Variants in SRP19 observed in about 807,000 individuals in gnomAD.
SRP19 encodes signal recognition particle 19.
SRP19 carries 11 observed loss-of-function variants against 22.4 expected under a neutral mutation model. The observed-to-expected ratio is 0.49, with a 90% CI of 0.31 to 0.81. The LOEUF (loss-of-function observed/expected upper bound fraction) is 0.81, where lower values mean the gene tolerates loss of function less well. SRP19 is among the 40% of genes least tolerant of loss of function. The pLI, the probability that SRP19 is intolerant of heterozygous loss-of-function variation, is 0.05. For missense variants in SRP19, 168 were observed against 175.9 expected (o/e 0.96, Z 0.25); for synonymous variants, 61 against 57.6 (o/e 1.06, Z -0.27).
downstream of SRP19, among the ~76,000 whole-genome samples, chr5:112,871,243 ATTTTTT>A (rs10592964): frequency 2.6e-4 from 24 of 93,952 alleles, 2 homozygotes; most frequent in South Asian, 6.7e-3. Flanking sequence ...CAATCAGTGA[ATTTTTT>A]TTTTTTTTTT....
chr5:112,888,230 G>A (rs1310051306), intron 4 of SRP19, among the ~76,000 whole-genome samples: 1 of 152,148 alleles, frequency 6.6e-6, no homozygotes, highest in African/African-American at 2.4e-5. Context: ...AAGCTATGAT[G>A]GTTTTCTAAG....
At chr5:112,866,048 G>T (rs749960576) in intron 4 of SRP19, among the ~76,000 whole-genome samples, 5 of 151,974 alleles carry the variant, frequency 3.3e-5, no homozygotes, top group Non-Finnish European at 7.4e-5. Context: ...TATTTTTAAA[G>T]ACAAGGTCTC....
At chr5:112,895,570 T>C (rs970942793), downstream of SRP19, 1 of 152,228 alleles carries the variant, frequency 6.6e-6, no homozygotes, top group African/African-American at 2.4e-5. Flanking sequence ...AATTGACTAC[T>C]TTCTGGTACC....
At chr5:112,886,933 A>G (rs1387188894) in intron 4 of SRP19, 2 of 1,061,168 alleles carry the variant, frequency 1.9e-6, no homozygotes, top group Non-Finnish European at 2.7e-6. Flanking sequence ...TGATAAGACA[A>G]GAAGGCCAGG....
At position 112,868,172 on chromosome 5, in the gene SRP19, G is replaced by T. The variant is rs1253933970; in HGVS notation, c.*635G>T. The T allele has an allele frequency of 3.0e-6, 3 of 985,310 alleles. No homozygotes were observed. Among genetic ancestry groups the T allele is most frequent in the African/African-American group, 3.5e-5 (2 of 57,242 alleles). The allele number at this position is 985,310 out of a possible 1,614,324, so 61.0% of individuals were successfully genotyped here. On this transcript the variant is annotated 3_prime_UTR_variant, in exon 5 of 5. Transcript: ENST00000505459. The stretch of plus-strand genomic sequence containing the variant: ...AAATTTGCTTATTTTGTAGGTTTAA[G>T]AACATGATTTTCATGGGAGTTGTAA...
At position 112,868,895 on chromosome 5, in the gene SRP19, T is replaced by G. The variant is rs1767691741; in HGVS notation, c.*1358T>G. 6.9e-6 allele frequency: 1 copy of G among 145,100 alleles called. No homozygotes were observed. The highest frequency in any genetic ancestry group is 2.1e-4 in the South Asian group (1 of 4,682). The allele number at this position is 145,100 out of a possible 1,614,324, so 9.0% of individuals were successfully genotyped here. A position where few individuals can be genotyped will look rare whatever the true frequency, so the allele number is the denominator to read the frequency against. ...GGCATGAGCTAGCTGGCCTGTTGAC[T>G]TTTTTTTTTTAACTCTAACAATTTC... On this transcript the variant is annotated 3_prime_UTR_variant, in exon 5 of 5. Transcript: ENST00000505459.
intron 4 of SRP19, chr5:112,876,331 T>C (rs774708911): frequency 1.3e-5 from 2 of 152,196 alleles, no homozygotes; most frequent in African/African-American, 2.4e-5. Context: ...AAACTTTCCT[T>C]AAATAATTCT....
At chr5:112,882,962 T>TA (rs559723426) in intron 4 of SRP19, among the ~76,000 whole-genome samples, 1 of 152,188 alleles carries the variant, frequency 6.6e-6, no homozygotes, top group Non-Finnish European at 1.5e-5. Context: ...TCCCTGCTGT[T>TA]ACCATAAACT....
downstream of SRP19, chr5:112,896,669 C>T (rs1768688832): frequency 6.6e-6 from 1 of 152,160 alleles, no homozygotes; most frequent in Non-Finnish European, 1.5e-5. Flanking sequence ...GGCCTGGTGG[C>T]TCACGCCTGT....
intron 4 of SRP19, chr5:112,876,271 T>C (rs1012656481): frequency 1.3e-5 from 2 of 152,206 alleles, no homozygotes; most frequent in African/African-American, 4.8e-5. Context: ...ATGTGAGGAA[T>C]AGAGTTAATA....
rs1767381427 is a variant in SRP19 at position 112,861,292 on chromosome 5, G to A, written c.-85G>A. 6.6e-7 allele frequency: 1 copy of A among 1,519,818 alleles called. No homozygotes were observed. Among genetic ancestry groups the A allele is most frequent in the Admixed American group, 1.7e-5 (1 of 59,898 alleles). 94.1% of individuals were successfully genotyped at this position (1,519,818 alleles called of 1,614,324 possible). ...AGGACTTCCGGCGGAAAAGCGGGCT[G>A]TCTCGGAAACTCAGAGCCGGGTTCC... On this transcript the variant is annotated 5_prime_UTR_variant, in exon 1 of 5. Coordinates refer to ENST00000505459, the MANE Select transcript of SRP19 (RefSeq NM_003135.3).
chr5:112,873,271 CTTTTTT>C (rs35379154), downstream of SRP19, among the ~76,000 whole-genome samples: 5 of 50,720 alleles, frequency 9.9e-5, no homozygotes, highest in Non-Finnish European at 1.7e-4. Flanking sequence ...CTCAGGTTTT[CTTTTTT>C]TTTTTTTTTT....
chr5:112,878,658 C>A, intron 4 of SRP19: 1 of 1,339,644 alleles, frequency 7.5e-7, no homozygotes, highest in Non-Finnish European at 1.0e-6. Flanking sequence ...CAACACATTC[C>A]AATCTTTAAT....
chr5:112,893,714 G>C (rs1177911656), downstream of SRP19: 3 of 152,216 alleles, frequency 2.0e-5, no homozygotes, highest in Non-Finnish European at 4.4e-5. Context: ...GTGCAATCAT[G>C]CAAAAACTCA....
chr5:112,890,620 C>T (rs113960156), intron 4 of SRP19, among the ~76,000 whole-genome samples: 10,182 of 150,466 alleles, frequency 0.068, 552 homozygotes, highest in South Asian at 0.14. Flanking sequence ...TCAAGTGATC[C>T]ACCCATCTCA....
At chr5:112,862,165 GC>G (rs1000363317) in intron 1 of SRP19, among the ~76,000 whole-genome samples, 58 of 152,318 alleles carry the variant, frequency 3.8e-4, no homozygotes, top group Admixed American at 1.7e-3. Flanking sequence ...CAGGGTGGGA[GC>G]CGGCTCCAGC....
downstream of SRP19, among the ~76,000 whole-genome samples, chr5:112,871,947 C>T (rs539986632): frequency 6.9e-4 from 105 of 152,248 alleles, 1 homozygote; most frequent in African/African-American, 2.4e-3. Flanking sequence ...GAACTGAGTT[C>T]GCATCCTCTA....
intron 4 of SRP19, among the ~76,000 whole-genome samples, chr5:112,889,010 C>A (rs548599564): frequency 2.5e-4 from 37 of 150,866 alleles, no homozygotes; most frequent in Admixed American, 4.0e-4. Context: ...TTTCCCCTTT[C>A]GCTTGGGCTC....
At chr5:112,874,774 CA>C (rs1460460543), downstream of SRP19, among the ~76,000 whole-genome samples, 2 of 114,686 alleles carry the variant, frequency 1.7e-5, no homozygotes, top group Admixed American at 1.1e-4. Flanking sequence ...TGATGTGCGC[CA>C]ATTTTTTTTT....
Sources: allele counts gnomAD v4.1 joint callset (sites outside exome capture counted in the v4.1 genomes callset), GRCh38; gene constraint gnomAD v4.1.1; transcripts MANE v1.5; gene names NCBI Gene and HGNC (gene_info 2026-07-23, HGNC 2026-07-21).